Variants in ANKRD30B observed in about 807,000 individuals in gnomAD.
ANKRD30B encodes the protein ankyrin repeat domain-containing protein 30B.
Under a neutral mutation model 202.2 loss-of-function variants are expected in ANKRD30B, and 144 were observed. That is an observed-to-expected ratio of 0.71 (90% confidence interval 0.62 to 0.82). The LOEUF (loss-of-function observed/expected upper bound fraction) is 0.82, where lower values mean the gene tolerates loss of function less well. Ranked by LOEUF, ANKRD30B falls within the 40% of genes least tolerant of loss-of-function variation. The pLI, the probability that ANKRD30B is intolerant of heterozygous loss-of-function variation, is 0.00. For synonymous variants in ANKRD30B, 508 were observed against 561.3 expected (o/e 0.91, Z 1.34); for missense variants, 1,487 against 1,669.1 (o/e 0.89, Z 1.90).
At chr18:14,757,723 G>T in intron 4 of ANKRD30B, 92 bp from the exon 5 acceptor site, 2 of 1,358,492 alleles carry the variant, frequency 1.5e-6, no homozygotes, top group Non-Finnish European at 2.0e-6. Context: ...AGATACTTAT[G>T]TTTGTTAGTA....
At chr18:14,867,862 G>A in the ANKRD30B span, among the ~76,000 whole-genome samples, 1 of 152,234 alleles carries the variant, frequency 6.6e-6, no homozygotes, top group South Asian at 2.1e-4. Context: ...AGCATGACAA[G>A]GTGAGGCTCT....
the ANKRD30B span, among the ~76,000 whole-genome samples, chr18:14,869,220 T>A: frequency 6.6e-6 from 1 of 152,140 alleles, no homozygotes; most frequent in African/African-American, 2.4e-5. Context: ...TTTGTCTCCT[T>A]TTCCAGTTGA....
the ANKRD30B span, among the ~76,000 whole-genome samples, chr18:14,861,765 C>G: frequency 6.6e-6 from 1 of 152,112 alleles, no homozygotes; most frequent in Non-Finnish European, 1.5e-5. Flanking sequence ...TGGACTCAAA[C>G]TGGGCTCTTG....
intron 7 of ANKRD30B, among the ~76,000 whole-genome samples, chr18:14,767,043 T>G (rs546793644): frequency 6.6e-6 from 1 of 152,196 alleles, no homozygotes; most frequent in Non-Finnish European, 1.5e-5. Flanking sequence ...TACCTAACTT[T>G]TTGTAACTGA....
At chr18:14,755,386 T>A (rs551447333) in intron 4 of ANKRD30B, among the ~76,000 whole-genome samples, 65 of 152,238 alleles carry the variant, frequency 4.3e-4, no homozygotes, top group Middle Eastern at 3.4e-3. Context: ...TTTTATACAC[T>A]TTTTTAATTT....
the ANKRD30B span, among the ~76,000 whole-genome samples, chr18:14,913,823 G>C: frequency 6.6e-6 from 1 of 152,182 alleles, no homozygotes; most frequent in Non-Finnish European, 1.5e-5. Flanking sequence ...CCCTCTCACA[G>C]TGTCCTGTTG....
chr18:14,849,343 A>G (rs1971790461), intron 40 of ANKRD30B, among the ~76,000 whole-genome samples: 1 of 151,740 alleles, frequency 6.6e-6, no homozygotes, highest in African/African-American at 2.4e-5. Context: ...TTCTTTGTTC[A>G]TTACTTCTAA....
chr18:14,773,997 C>T (rs1312932831), intron 9 of ANKRD30B, among the ~76,000 whole-genome samples: 1 of 152,134 alleles, frequency 6.6e-6, no homozygotes. Flanking sequence ...GAATACATTA[C>T]TCTAAAATTC....
the ANKRD30B span, among the ~76,000 whole-genome samples, chr18:14,920,761 C>T: frequency 1.3e-5 from 2 of 152,182 alleles, no homozygotes; most frequent in East Asian, 3.9e-4. Flanking sequence ...GCAAGCCTGC[C>T]CCACCATGGG....
intron 16 of ANKRD30B, among the ~76,000 whole-genome samples, chr18:14,795,122 C>T (rs1416882116): frequency 1.3e-5 from 2 of 152,236 alleles, no homozygotes; most frequent in Admixed American, 6.5e-5. Flanking sequence ...ATTACTCTAA[C>T]ATTGAAATAT....
chr18:14,828,448 A>T, intron 33 of ANKRD30B, 140 bp downstream of exon 33: 5 of 601,956 alleles, frequency 8.3e-6, no homozygotes, highest in Non-Finnish European at 1.4e-5. Context: ...TAGTCATCAC[A>T]CAGCTTTGCA....
chr18:14,877,468 G>T, the ANKRD30B span: 2 of 151,568 alleles, frequency 1.3e-5, no homozygotes, highest in South Asian at 4.2e-4. Flanking sequence ...TACTTCACAG[G>T]GTTGTCATCA....
chr18:14,878,931 G>A, the ANKRD30B span, among the ~76,000 whole-genome samples: 2 of 152,152 alleles, frequency 1.3e-5, no homozygotes, highest in Non-Finnish European at 2.9e-5. Flanking sequence ...ACCCTCTTGC[G>A]AGGGCGGAGC....
intron 39 of ANKRD30B, 99 bp downstream of exon 39, chr18:14,843,195 A>C (rs1413859586): frequency 8.0e-7 from 1 of 1,249,480 alleles, no homozygotes; most frequent in Non-Finnish European, 1.1e-6. Context: ...TATTATGGAA[A>C]TATTTGAGTT....
the ANKRD30B span, chr18:14,905,515 G>A: frequency 6.6e-6 from 1 of 152,252 alleles, no homozygotes; most frequent in Non-Finnish European, 1.5e-5. Context: ...TTAAGAAAAG[G>A]AAGGTTATGG....
At chr18:14,800,740 A>T (rs1253546112) in intron 22 of ANKRD30B, among the ~76,000 whole-genome samples, 1 of 101,944 alleles carries the variant, frequency 9.8e-6, no homozygotes, top group Non-Finnish European at 2.0e-5. Flanking sequence ...ACGTGGTCAT[A>T]TTTAATACAT....
chr18:14,795,822 T>C (rs1968837625), intron 16 of ANKRD30B, among the ~76,000 whole-genome samples: 1 of 152,014 alleles, frequency 6.6e-6, no homozygotes. Flanking sequence ...CTTAACAATA[T>C]GCCATAGCAT....
At chr18:14,766,267 T>C (rs1194795298) in intron 7 of ANKRD30B, among the ~76,000 whole-genome samples, 3 of 151,508 alleles carry the variant, frequency 2.0e-5, no homozygotes, top group African/African-American at 4.8e-5. Context: ...GGTCAGGAGA[T>C]GGAGACCATC....
At chr18:14,826,057 T>A (rs559602700) in intron 32 of ANKRD30B, among the ~76,000 whole-genome samples, 50 of 152,030 alleles carry the variant, frequency 3.3e-4, no homozygotes, top group Non-Finnish European at 7.2e-4. Flanking sequence ...AGGTAATTGG[T>A]TTATACGTAT....
Sources: gnomAD v4.1 joint callset for allele counts (sites outside exome capture counted in the v4.1 genomes callset) on GRCh38, gnomAD v4.1.1 for gene constraint, MANE v1.5 for transcripts, NCBI Gene and HGNC (gene_info 2026-07-23, HGNC 2026-07-21) for gene names.